EML5: variants seen among roughly 807,000 people sequenced by gnomAD.
The protein encoded by EML5 is echinoderm microtubule-associated protein-like 5.
A neutral mutation model predicts 250.0 loss-of-function variants in EML5; 120 were observed. The ratio of observed to expected loss-of-function variants is 0.48; its 90% confidence interval spans 0.41 to 0.56. The LOEUF is 0.56. Among genes scored for constraint, EML5 ranks in the 20% least tolerant of loss-of-function variants. The pLI is 0.00. For missense variants in EML5, 2,006 were observed against 2,437.6 expected (o/e 0.82, Z 3.73); for synonymous variants, 771 against 806.5 (o/e 0.96, Z 0.75).
At chr14:88,638,268 G>A (rs781375216) in intron 32 of EML5, among the ~76,000 whole-genome samples, 8 of 152,162 alleles carry the variant, frequency 5.3e-5, no homozygotes, top group Non-Finnish European at 1.0e-4. Context: ...GTTTTTCACA[G>A]AGGTAAAAGA....
intron 1 of EML5, among the ~76,000 whole-genome samples, chr14:88,791,603 T>A (rs2094608989): frequency 6.6e-6 from 1 of 152,214 alleles, no homozygotes; most frequent in South Asian, 2.1e-4. Context: ...CAATAGCGAT[T>A]TAATTTTAAG....
chr14:88,752,844 C>A (rs763669919), intron 2 of EML5, among the ~76,000 whole-genome samples: 3 of 152,186 alleles, frequency 2.0e-5, no homozygotes, highest in Non-Finnish European at 4.4e-5. Context: ...GAAGTGTCTG[C>A]ATATCAAGAG....
intron 36 of EML5, chr14:88,624,301 C>G (rs1477925133): frequency 6.6e-6 from 1 of 152,478 alleles, no homozygotes; most frequent in Non-Finnish European, 1.5e-5. Flanking sequence ...TCTTGAACTC[C>G]TGGGCTCAAG....
intron 1 of EML5, among the ~76,000 whole-genome samples, chr14:88,787,420 C>T (rs1455243100): frequency 2.0e-5 from 3 of 152,108 alleles, no homozygotes. Context: ...ATTCATTATT[C>T]CACGTTTTCC....
chr14:88,654,444 C>T (rs1267635749), intron 27 of EML5, among the ~76,000 whole-genome samples: 1 of 152,174 alleles, frequency 6.6e-6, no homozygotes, highest in Non-Finnish European at 1.5e-5. Context: ...CTAAAGACTG[C>T]TTTAGCTGTG....
chr14:88,740,613 TATAAA>T (rs1222986845), intron 4 of EML5, 41 bp from the exon 5 acceptor site: 13 of 1,475,072 alleles, frequency 8.8e-6, no homozygotes, highest in Middle Eastern at 1.8e-4. Flanking sequence ...AAAGAATTCT[TATAAA>T]ATAAAGTAAA....
chr14:88,714,126 C>T (rs2093452295), intron 9 of EML5, among the ~76,000 whole-genome samples: 1 of 152,124 alleles, frequency 6.6e-6, no homozygotes, highest in South Asian at 2.1e-4. Flanking sequence ...GCGTGAGCCA[C>T]TATGCCCAGC....
At chr14:88,688,186 G>T in intron 18 of EML5, 85 bp downstream of exon 18, 3 of 1,357,272 alleles carry the variant, frequency 2.2e-6, no homozygotes, top group Non-Finnish European at 3.1e-6. Flanking sequence ...CAGGCAAGTA[G>T]AAAGGCAGTG....
At chr14:88,705,770 C>T (rs1309749578) in intron 11 of EML5, 182 bp from the exon 12 acceptor site, 2 of 670,836 alleles carry the variant, frequency 3.0e-6, no homozygotes, top group East Asian at 2.9e-5. Flanking sequence ...TTATCTTCCT[C>T]TCCACTCACT....
chr14:88,772,114 T>C (rs966124117), intron 1 of EML5, among the ~76,000 whole-genome samples: 1 of 152,202 alleles, frequency 6.6e-6, no homozygotes, highest in Non-Finnish European at 1.5e-5. Flanking sequence ...TCACCATCCA[T>C]TCAATTGCTC....
rs2088805747 is a variant in EML5, at chr14:88,620,951, AG to A, written c.5203-26del. ...TCTGCATTTAAAAAAAAAAAAAAAAAGAGTCATAGGAAACATTAAGTGAAGT... is the reference window on the plus strand; with the variant it reads ...TCTGCATTTAAAAAAAAAAAAAAAAAAGTCATAGGAAACATTAAGTGAAGT... On this transcript the variant is annotated intron_variant, in intron 38 of 43. Transcript: ENST00000554922. This position sits in a 1 kb window ranked among gnomAD's most constrained non-coding sequence, Gnocchi z 4.3. 6.8e-6 allele frequency: 10 copies of A among 1,463,818 alleles called. No individual in the cohort carries two copies. The highest frequency in any genetic ancestry group is 2.9e-5 in the African/African-American group (2 of 69,258). The allele number at this position is 1,463,818 out of a possible 1,614,324, so 90.7% of individuals were successfully genotyped here.
chr14:88,639,861 A>C (rs1227757115), intron 31 of EML5, among the ~76,000 whole-genome samples: 1 of 152,192 alleles, frequency 6.6e-6, no homozygotes, highest in East Asian at 1.9e-4. Flanking sequence ...GATTACGGGC[A>C]TGAGCCACCG....
chr14:88,705,014 A>G (rs2093289884), intron 12 of EML5, 36 bp from the exon 13 acceptor site: 4 of 1,413,160 alleles, frequency 2.8e-6, no homozygotes, highest in Admixed American at 1.8e-5. Context: ...TATTCTTAGA[A>G]TATATACTAA....
At chr14:88,677,665 C>T (rs1223687567) in intron 21 of EML5, among the ~76,000 whole-genome samples, 1 of 152,192 alleles carries the variant, frequency 6.6e-6, no homozygotes, top group Non-Finnish European at 1.5e-5. Flanking sequence ...CAAAAGAAGA[C>T]ATTTATGCAG....
chr14:88,620,242 T>C lies in EML5; in HGVS notation c.5375+512A>G, dbSNP rs2088645046. The C allele has an allele frequency of 6.6e-6, 1 of 152,312 alleles. No individual in the cohort carries two copies. Among genetic ancestry groups the C allele is most frequent in the Non-Finnish European group, 1.5e-5 (1 of 68,106 alleles). 9.4% of individuals were successfully genotyped at this position (152,312 alleles called of 1,614,324 possible). A position where few individuals can be genotyped will look rare whatever the true frequency, so the allele number is the denominator to read the frequency against. On this transcript the variant is annotated intron_variant, in intron 39 of 43. Coordinates refer to ENST00000554922, the MANE Select transcript of EML5 (RefSeq NM_183387.3). This position sits in a 1 kb window ranked among gnomAD's most constrained non-coding sequence, Gnocchi z 4.3. ...TGATCACACGGAAGTACTCCGTAAA[T>C]GGTAGCCACTGTTGAAAAATGCTTA...
chr14:88,688,056 G>GT (rs1227053665), intron 18 of EML5, among the ~76,000 whole-genome samples: 1 of 152,150 alleles, frequency 6.6e-6, no homozygotes, highest in Admixed American at 6.5e-5. Flanking sequence ...GGGTGACAGA[G>GT]TGAGACACTA....
At chr14:88,652,537 T>C (rs2091680129) in intron 27 of EML5, among the ~76,000 whole-genome samples, 1 of 152,132 alleles carries the variant, frequency 6.6e-6, no homozygotes, top group Non-Finnish European at 1.5e-5. Flanking sequence ...TTCAGCACTA[T>C]CCTAAATGGC....
chr14:88,697,020 A>T, intron 14 of EML5, 68 bp from the exon 15 acceptor site: 1 of 1,033,070 alleles, frequency 9.7e-7, no homozygotes, highest in Non-Finnish European at 1.3e-6. Flanking sequence ...CTAAAAGGAA[A>T]TAAAACAAGA....
chr14:88,702,427 G>A lies in EML5; in HGVS notation c.2238+19C>T. ...AAAGGTGTAGCTTATCTGGCTTATT[G>A]TCAGTCTTTCAAACCTACCTGGCCT... On this transcript the variant is annotated intron_variant, in intron 14 of 43. Coordinates refer to ENST00000554922, the MANE Select transcript of EML5 (RefSeq NM_183387.3). 3.8e-6 allele frequency: 6 copies of A among 1,582,278 alleles called. No individual in the cohort carries two copies. Among genetic ancestry groups the A allele is most frequent in the Non-Finnish European group, 5.1e-6 (6 of 1,165,118 alleles).
Sources: gnomAD v4.1 joint callset for allele counts (sites outside exome capture counted in the v4.1 genomes callset) on GRCh38, gnomAD v4.1.1 for gene constraint, Gnocchi (gnomAD v3.1) non-coding constraint, MANE v1.5 for transcripts, NCBI Gene and HGNC (gene_info 2026-07-23, HGNC 2026-07-21) for gene names.